SRGAP3: variants seen among roughly 807,000 people sequenced by gnomAD.
The protein encoded by SRGAP3 is SLIT-ROBO Rho GTPase activating protein 3.
In SRGAP3, 39 loss-of-function variants were observed where a neutral mutation model predicts 121.1. The observed-to-expected ratio is 0.32, with a 90% CI of 0.25 to 0.42. The LOEUF (loss-of-function observed/expected upper bound fraction) is 0.42, where lower values mean the gene tolerates loss of function less well. Ranked by LOEUF, SRGAP3 falls within the 10% of genes least tolerant of loss-of-function variation. The pLI is 1.00. For missense variants in SRGAP3, 1,213 were observed against 1,470.6 expected, an observed-to-expected ratio of 0.82 and a Z score of 2.86; for synonymous variants, 601 against 570.0, an observed-to-expected ratio of 1.05 and a Z score of -0.77.
chr3:9,052,178 G>A (rs1187047283), intron 9 of SRGAP3, among the ~76,000 whole-genome samples: 1 of 152,208 alleles, frequency 6.6e-6, no homozygotes, highest in Non-Finnish European at 1.5e-5. Context: ...TTAGCCTAGA[G>A]AAATGAAATC....
chr3:9,211,549 A>G (rs1952446070), intron 1 of SRGAP3, among the ~76,000 whole-genome samples: 1 of 152,326 alleles, frequency 6.6e-6, no homozygotes. Context: ...TCAAAGTCTG[A>G]TAAAATAATC....
intron 14 of SRGAP3, among the ~76,000 whole-genome samples, chr3:9,024,803 A>C (rs1235302520): frequency 6.6e-6 from 1 of 152,222 alleles, no homozygotes; most frequent in Non-Finnish European, 1.5e-5. Context: ...ATGTTCTTCC[A>C]ATTCTAAAAT....
rs74390876 is a variant in SRGAP3, at chr3:9,006,705, T to A, written c.2227+3603A>T. Among the ~76,000 whole-genome samples, 34 of 152,310 alleles carry A rather than the reference T, an allele frequency of 2.2e-4. 1 individual carries two copies. The East Asian group carries it at 6.4e-3, about 29-fold the overall frequency. ...ACAATTATAATTGAAAATGGACATA[T>A]CACCCATATGAACATGCCTCTGTCA... On this transcript the variant is annotated intron_variant, in intron 18 of 21. Coordinates refer to ENST00000383836, the MANE Select transcript of SRGAP3 (RefSeq NM_014850.4).
rs767888822 is a variant in SRGAP3, at chr3:9,056,248, C to T, written c.1110G>A (p.Lys370=). ...GCTCACTCACCTCCTCATTCTCTATCTTGAGGGTGGCCAGTCTGGACTGCA... is the reference window on the plus strand; with the variant it reads ...GCTCACTCACCTCCTCATTCTCTATTTTGAGGGTGGCCAGTCTGGACTGCA... ...HQLQSRLATL[K]IENEEVRKTL... The change falls in exon 8 of 22, where the codon AAG becomes AAA. Residue 370 remains lysine, a synonymous_variant. Coordinates refer to ENST00000383836, the MANE Select transcript of SRGAP3 (RefSeq NM_014850.4). 24 of 1,613,982 alleles carry T rather than the reference C, an allele frequency of 1.5e-5. No individual in the cohort carries two copies. Among genetic ancestry groups the T allele is most frequent in the Middle Eastern group, 1.6e-4 (1 of 6,068 alleles).
At chr3:9,108,773 A>G (rs1948513512) in intron 2 of SRGAP3, among the ~76,000 whole-genome samples, 1 of 152,122 alleles carries the variant, frequency 6.6e-6, no homozygotes, top group Admixed American at 6.5e-5. Context: ...ATGAGCAGGG[A>G]TATGGGGCTT....
chr3:9,002,203 A>C (rs1942810569), intron 18 of SRGAP3, among the ~76,000 whole-genome samples: 1 of 152,180 alleles, frequency 6.6e-6, no homozygotes, highest in Non-Finnish European at 1.5e-5. Flanking sequence ...CAAATAATAC[A>C]AAATGTGTTC....
intron 18 of SRGAP3, 97 bp from the exon 19 acceptor site, chr3:8,994,620 G>T: frequency 6.7e-7 from 1 of 1,486,082 alleles, no homozygotes; most frequent in Non-Finnish European, 9.2e-7. Context: ...GGGAAGGATA[G>T]ACTGCACAGC....
At position 9,311,407 on chromosome 3, in the gene SRGAP3, T is replaced by C. The variant is rs566183333; in HGVS notation, n.442+14603A>G. ...TCAGGACAACTTGGGAAGGAAACTT[T>C]GGCATTACTGTAAAATAGAGGTCAG... is the stretch of plus-strand genomic sequence containing the variant. On this transcript the variant is annotated intron_variant and non_coding_transcript_variant, in intron 3 of 3. Coordinates refer to the SRGAP3 transcript ENST00000490889. 2.0e-5 allele frequency among the ~76,000 whole-genome samples: 3 copies of C among 152,352 alleles called. No homozygotes were observed. In the South Asian group the frequency reaches 6.2e-4, roughly 32 times the overall value.
At chr3:9,059,260 C>T (rs1181729404) in intron 6 of SRGAP3, 1 of 152,312 alleles carries the variant, frequency 6.6e-6, no homozygotes, top group African/African-American at 2.4e-5. Flanking sequence ...CAACCCACTG[C>T]TCCTGCTCCT....
chr3:9,099,302 T>A lies in SRGAP3; in HGVS notation c.423+5378A>T, dbSNP rs185688082. Among the ~76,000 whole-genome samples, 878 of 152,322 alleles carry A rather than the reference T, an allele frequency of 5.8e-3. 2 individuals are homozygous for A. Among genetic ancestry groups the A allele is most frequent in the Non-Finnish European group, 0.01 (710 of 68,024 alleles). On this transcript the variant is annotated intron_variant, in intron 3 of 21. Transcript: ENST00000383836. ...GCAAAGAGTCTTTCCTCATTAGTGC[T>A]TCCTCCCAACACCACAGCTTCCAAC... is the stretch of plus-strand genomic sequence containing the variant.
At chr3:9,283,232 G>A (rs1446816438) in intron 3 of SRGAP3, among the ~76,000 whole-genome samples, 2 of 152,172 alleles carry the variant, frequency 1.3e-5, no homozygotes, top group East Asian at 1.9e-4. Flanking sequence ...ATGAGCCACC[G>A]CACCAGGCTG....
intron 1 of SRGAP3, among the ~76,000 whole-genome samples, chr3:9,140,037 A>C (rs906437036): frequency 6.6e-6 from 1 of 152,146 alleles, no homozygotes; most frequent in South Asian, 2.1e-4. Context: ...GGAAATCCCA[A>C]TGTAGTGCAA....
At chr3:9,054,599 C>T (rs1945731392) in intron 8 of SRGAP3, among the ~76,000 whole-genome samples, 2 of 152,190 alleles carry the variant, frequency 1.3e-5, no homozygotes, top group Non-Finnish European at 1.5e-5. Context: ...ACCTTGGGTA[C>T]ATGTTTTCAG....
chr3:9,212,010 T>C (rs948296990), intron 1 of SRGAP3, among the ~76,000 whole-genome samples: 13 of 152,114 alleles, frequency 8.5e-5, no homozygotes, highest in African/African-American at 2.4e-4. Flanking sequence ...GCTCAGACCC[T>C]GGCAGTTCGA....
At chr3:9,312,295 C>T (rs1955260800) in intron 3 of SRGAP3, among the ~76,000 whole-genome samples, 1 of 152,172 alleles carries the variant, frequency 6.6e-6, no homozygotes, top group Admixed American at 6.5e-5. Flanking sequence ...GCTGGGACTA[C>T]AGGCACCCAC....
intron 9 of SRGAP3, among the ~76,000 whole-genome samples, chr3:9,052,253 G>C (rs1945614514): frequency 6.6e-6 from 1 of 152,238 alleles, no homozygotes; most frequent in African/African-American, 2.4e-5. Context: ...GGTGGCCCCA[G>C]AGAACAGAAC....
intron 1 of SRGAP3, among the ~76,000 whole-genome samples, chr3:9,356,950 T>C (rs2030548407): frequency 6.7e-6 from 1 of 148,242 alleles, no homozygotes; most frequent in East Asian, 2.0e-4. Context: ...ATATTTGTAA[T>C]TTGTATTTTT....
At chr3:9,340,498 C>G (rs545009493) in intron 1 of SRGAP3, among the ~76,000 whole-genome samples, 1 of 152,148 alleles carries the variant, frequency 6.6e-6, no homozygotes, top group Non-Finnish European at 1.5e-5. Context: ...GCTTTATAAA[C>G]CCCAGTAATT....
intron 1 of SRGAP3, among the ~76,000 whole-genome samples, chr3:9,201,061 A>T (rs1284478096): frequency 6.6e-6 from 1 of 152,198 alleles, no homozygotes; most frequent in Non-Finnish European, 1.5e-5. Flanking sequence ...TGCTCTTGAC[A>T]ATCAGCCAAT....
Sources: allele counts gnomAD v4.1 joint callset (sites outside exome capture counted in the v4.1 genomes callset), GRCh38; gene constraint gnomAD v4.1.1; transcripts MANE v1.5; gene names NCBI Gene and HGNC (gene_info 2026-07-23, HGNC 2026-07-21).